EPPK1: variants seen among roughly 807,000 people sequenced by gnomAD.
The protein encoded by EPPK1 is epiplakin 1.
For synonymous variants in EPPK1, 1,862 were observed against 1,721.2 expected (o/e 1.08, Z -2.03); for missense variants, 3,823 against 3,673.3 (o/e 1.04, Z -1.05).
In EPPK1 at chr8:143,867,411, T is replaced by C. The variant is rs782470665; in HGVS notation, c.5843A>G (p.Lys1948Arg). 2.5e-6 allele frequency: 4 copies of C among 1,612,786 alleles called. No homozygotes were observed. Among genetic ancestry groups the C allele is most frequent in the South Asian group, 2.2e-5 (2 of 91,082 alleles). ...GFLLDPCTRQ[K>R]LSVDEAVDVG... ...ATCCACAGCCTCATCCACAGAGAGC[T>C]TCTGGCGGGTGCAGGGGTCCAGGAG... Residue 1948 changes from lysine (K) to arginine (R), a missense_variant, in exon 2 of 2, where the codon AAG (lysine) becomes AGG (arginine). By Grantham distance (26) the Lys-to-Arg change is conservative. Coordinates refer to ENST00000615648, the MANE Select transcript of EPPK1 (RefSeq NM_031308.4).
In EPPK1 at chr8:143,867,362, C is replaced by T. The variant is rs1819164853; in HGVS notation, c.5892G>A (p.Leu1964=). The T allele has an allele frequency of 1.2e-6, 2 of 1,612,920 alleles. No homozygotes were observed. Among genetic ancestry groups the T allele is most frequent in the Non-Finnish European group, 8.5e-7 (1 of 1,179,866 alleles). The part of the protein sequence containing the change: ...AVDVGLVNEE[L]RERLLKAERA... ...TTTCAGCCTTCAGGAGCCTCTCCCG[C>T]AGCTCCTCGTTCACCAGGCCCACAT... Residue 1964 remains leucine (L), a synonymous_variant, in exon 2 of 2, where the codon CTG becomes CTA. Transcript: ENST00000615648.
Position 143,868,136 on chromosome 8 carries a change from G to C in EPPK1, c.5118C>G (p.Arg1706=), listed in dbSNP as rs782170544. The stretch of plus-strand genomic sequence containing the variant: ...TCATCTCCTCGTCGAAGTAGCCGCA[G>C]CGGTAGGCCACGTCCACGGGCACGC... ...SHRVPVDVAY[R]CGYFDEEMNR... is the part of the protein sequence containing the mutation. The change falls in exon 2 of 2, where the codon CGC becomes CGG. Residue 1706 remains arginine (R), a synonymous_variant. Transcript: ENST00000615648. The C allele has an allele frequency of 2.7e-5, 44 of 1,613,126 alleles. No homozygotes were observed. The highest frequency in any genetic ancestry group is 1.6e-4 in the Middle Eastern group (1 of 6,084).
chr8:143,873,012 G>C lies in EPPK1; in HGVS notation c.242C>G (p.Thr81Ser), dbSNP rs1288102932. Residue 81 changes from threonine to serine, a missense_variant, in exon 2 of 2, where the codon ACT becomes AGT. Physicochemically the swap from Thr to Ser is moderately conservative, Grantham distance 58. Transcript: ENST00000615648. ...GQALLEAQAATGGLVDLARGQ... is the reference protein window; with the variant it reads ...GQALLEAQAASGGLVDLARGQ... Reference sequence around the variant, plus strand: ...CCGGGCGAGGTCCACCAGGCCCCCAGTGGCTGCCTGGGCCTCTAGCAGAGC... The same window carrying C: ...CCGGGCGAGGTCCACCAGGCCCCCACTGGCTGCCTGGGCCTCTAGCAGAGC... 2.5e-6 allele frequency: 4 copies of C among 1,576,568 alleles called. No homozygotes were observed. The highest frequency in any genetic ancestry group is 1.8e-5 in the Admixed American group (1 of 55,284).
At position 143,866,738 on chromosome 8, in the gene EPPK1, C is replaced by G. The variant is rs371244990; in HGVS notation, c.6516G>C (p.Leu2172=). Residue 2172 remains leucine (L), a synonymous_variant, in exon 2 of 2, where the codon CTG becomes CTC. Coordinates refer to ENST00000615648, the MANE Select transcript of EPPK1 (RefSeq NM_031308.4). ...IEKQETSNKH[L]WFQGIRRQIT... ...TCTGTCGTCTAATTCCTTGGAACCA[C>G]AGGTGTTTGTTGCTGGTTTCCTGCT... The G allele has an allele frequency of 6.2e-7, 1 of 1,613,474 alleles. No individual in the cohort carries two copies. Among genetic ancestry groups the G allele is most frequent in the Non-Finnish European group, 8.5e-7 (1 of 1,179,866 alleles).
Position 143,870,317 on chromosome 8 carries a change from TG to T in EPPK1, c.2936del (p.Pro979GlnfsTer23). On this transcript the variant is annotated frameshift_variant, in exon 2 of 2. Coordinates refer to ENST00000615648, the MANE Select transcript of EPPK1 (RefSeq NM_031308.4). LOFTEE classifies it low-confidence loss of function (END_TRUNC). This position sits in a 1 kb window ranked among gnomAD's most constrained non-coding sequence, Gnocchi z 5.2. The part of the protein sequence containing the change: ...ATGTIMDPHS[P>X]ESLSVDEAVR... ...CGGCCTCATCCACCGAGAGGCTCTC[TG>T]GGCTGTGAGGGTCCATGATGGTTCC... 1.3e-6 allele frequency: 2 copies of T among 1,570,032 alleles called. No homozygotes were observed. The highest frequency in any genetic ancestry group is 1.7e-6 in the Non-Finnish European group (2 of 1,164,088).
chr8:143,869,817 T>C lies in EPPK1; in HGVS notation c.3437A>G (p.Asp1146Gly), dbSNP rs550193229. Residue 1146 changes from aspartate to glycine, a missense_variant, in exon 2 of 2, where the codon GAC (aspartate) becomes GGC (glycine). By Grantham distance (94) the Asp-to-Gly change is moderately conservative (BLOSUM62 -1). Coordinates refer to ENST00000615648, the MANE Select transcript of EPPK1 (RefSeq NM_031308.4). The stretch of plus-strand genomic sequence containing the variant: ...GGTGAAGTGGCAGGAGCTGAGCAGG[T>C]CCCAGAGGGATGTGCCATCCTTGGC... ...PGAKDGTSLW[D>G]LLSSCHFTEE... 330 of 1,598,212 alleles carry C rather than the reference T, an allele frequency of 2.1e-4. 1 individual carries two copies. The highest frequency in any genetic ancestry group is 1.7e-3 in the Middle Eastern group (10 of 6,036).
In EPPK1 at chr8:143,868,654, A is replaced by G. The variant is rs1350291766; in HGVS notation, c.4600T>C (p.Phe1534Leu). The G allele has an allele frequency of 6.9e-6, 11 of 1,588,156 alleles. No homozygotes were observed. The highest frequency in any genetic ancestry group is 8.6e-6 in the Non-Finnish European group (10 of 1,168,418). ...LRKQVSARDL[F>L]RAQLISRKTL... Reference sequence around the variant, plus strand: ...TTCCTGCTGATCAGCTGCGCCCTGAACAGGTCCCTGGCTGACACCTGCTTC... The same window carrying G: ...TTCCTGCTGATCAGCTGCGCCCTGAGCAGGTCCCTGGCTGACACCTGCTTC... Residue 1534 changes from phenylalanine (F) to leucine (L), a missense_variant, in exon 2 of 2, where the codon TTC becomes CTC. Transcript: ENST00000615648.
chr8:143,867,506 G>C lies in EPPK1; in HGVS notation c.5748C>G (p.Ala1916=), dbSNP rs782677884. ...STREVMSLHE[A]SRKELIPAAF... The stretch of plus-strand genomic sequence containing the variant: ...CTGCAGGGATGAGCTCCTTCCTGCT[G>C]GCCTCATGGAGGCTCATGACCTCCC... The change falls in exon 2 of 2, where the codon GCC becomes GCG. Residue 1916 remains alanine, a synonymous_variant. Transcript: ENST00000615648. 6.2e-7 allele frequency: 1 copy of C among 1,612,608 alleles called. No homozygotes were observed. The highest frequency in any genetic ancestry group is 8.5e-7 in the Non-Finnish European group (1 of 1,179,800).
rs35186960 is a variant in EPPK1 at position 143,857,896 on chromosome 8, C to CAAAAAAAAAAA, written c.*80_*90dup. 44 of 437,862 alleles carry CAAAAAAAAAAA rather than the reference C, an allele frequency of 1.0e-4. No individual in the cohort carries two copies. The highest frequency in any genetic ancestry group is 1.7e-4 in the African/African-American group (5 of 29,422). The allele number at this position is 437,862 out of a possible 1,614,324, so 27.1% of individuals were successfully genotyped here. On this transcript the variant is annotated 3_prime_UTR_variant, in exon 2 of 2. Transcript: ENST00000615648. The stretch of plus-strand genomic sequence containing the variant: ...GTAAAACAACAAAATTAAAGAATGA[C>CAAAAAAAAAAA]AAAAAAAAAAAAAAAAAAAAAAACA...
rs532844401 is a variant in EPPK1, at chr8:143,872,757, C to G, written c.497G>C (p.Gly166Ala). 1.4e-5 allele frequency: 23 copies of G among 1,589,240 alleles called. No individual in the cohort carries two copies. The South Asian group carries it at 2.0e-4, about 14-fold the overall frequency. Residue 166 changes from glycine to alanine, a missense_variant, in exon 2 of 2, where the codon GGA (glycine) becomes GCA (alanine). By Grantham distance (60) the Gly-to-Ala change is moderately conservative. Coordinates refer to ENST00000615648, the MANE Select transcript of EPPK1 (RefSeq NM_031308.4). ...ATGGLVDPAQ[G>A]VLVAPEPACH... ...GGCTGGCTCAGGGGCCACGAGCACT[C>G]CCTGGGCGGGGTCCACCAGGCCCCC...
rs1819373395 is a variant in EPPK1, at chr8:143,872,097, A to G, written c.1157T>C (p.Val386Ala). Residue 386 changes from valine to alanine, a missense_variant, in exon 2 of 2, where the codon GTG (valine) becomes GCG (alanine). By Grantham distance (64) the Val-to-Ala change is moderately conservative. Coordinates refer to ENST00000615648, the MANE Select transcript of EPPK1 (RefSeq NM_031308.4). ...GAGCCGCAGTGCCAGTGGCCTGTCC[A>G]CTAGCCCCTTCTTCATGGCCTGGAA... is the stretch of plus-strand genomic sequence containing the variant. ...PLFQAMKKGL[V>A]DRPLALRLLD... The G allele has an allele frequency of 1.9e-6, 3 of 1,560,196 alleles. No homozygotes were observed. Among genetic ancestry groups the G allele is most frequent in the Non-Finnish European group, 2.6e-6 (3 of 1,152,690 alleles).
At position 143,867,039 on chromosome 8, in the gene EPPK1, C is replaced by T. The variant is rs1819145268; in HGVS notation, c.6215G>A (p.Cys2072Tyr). ...CCAGCCCGTGTCCTCTTGTGGGCGG[C>T]ACCTCTCCTGCAGCTCTCGGTACGA... Reference protein sequence around the residue: ...KVSYRELQERCRPQEDTGWLL... With the variant: ...KVSYRELQERYRPQEDTGWLL... Residue 2072 changes from cysteine (C) to tyrosine (Y), a missense_variant, in exon 2 of 2, where the codon TGC (cysteine) becomes TAC (tyrosine). Physicochemically the swap from Cys to Tyr is radical, Grantham distance 194. Coordinates refer to ENST00000615648, the MANE Select transcript of EPPK1 (RefSeq NM_031308.4). 1 of 1,612,846 alleles carries T rather than the reference C, an allele frequency of 6.2e-7. No homozygotes were observed. Among genetic ancestry groups the T allele is most frequent in the Non-Finnish European group, 8.5e-7 (1 of 1,179,848 alleles).
At chr8:143,877,100 TGA>T (rs1554662396) in intron 1 of EPPK1, among the ~76,000 whole-genome samples, 1 of 152,224 alleles carries the variant, frequency 6.6e-6, no homozygotes, top group Non-Finnish European at 1.5e-5. Flanking sequence ...CCTGCGTGTG[TGA>T]GTGTGCCTGC....
chr8:143,868,754 C>T lies in EPPK1; in HGVS notation c.4500G>A (p.Gln1500=). 1.9e-6 allele frequency: 3 copies of T among 1,587,706 alleles called. No individual in the cohort carries two copies. The highest frequency in any genetic ancestry group is 1.1e-5 in the South Asian group (1 of 88,574). The part of the protein sequence containing the change: ...CRSGRAAALR[Q]VVSAVTTLVE... ...CCAGGGTGGTGACTGCGCTGACCAC[C>T]TGCCGCAGGGCCGCAGCCCTCCCAG... Residue 1500 remains glutamine, a synonymous_variant, in exon 2 of 2, where the codon CAG becomes CAA. Transcript: ENST00000615648.
In EPPK1 at chr8:143,872,769, T is replaced by C. The variant is rs11984465; in HGVS notation, c.485A>G (p.Asp162Gly). Residue 162 changes from aspartate to glycine, a missense_variant, in exon 2 of 2, where the codon GAC (aspartate) becomes GGC (glycine). Coordinates refer to ENST00000615648, the MANE Select transcript of EPPK1 (RefSeq NM_031308.4). The part of the protein sequence containing the change: ...EVQLATGGLV[D>G]PAQGVLVAPE... ...GGCCACGAGCACTCCCTGGGCGGGGTCCACCAGGCCCCCAGTGGCCAGTTG... is the reference window on the plus strand; with the variant it reads ...GGCCACGAGCACTCCCTGGGCGGGGCCCACCAGGCCCCCAGTGGCCAGTTG... 35 of 1,579,236 alleles carry C rather than the reference T, an allele frequency of 2.2e-5. 1 individual carries two copies. Among genetic ancestry groups the C allele is most frequent in the Non-Finnish European group, 2.9e-5 (34 of 1,159,610 alleles).
Position 143,872,229 on chromosome 8 carries a change from G to T in EPPK1, c.1025C>A (p.Ala342Glu). Reference protein sequence around the residue: ...ITGQRLWVDEAVRAGLVSPEL... With the variant: ...ITGQRLWVDEEVRAGLVSPEL... ...TGGGCTGACCAGGCCCGCCCTGACT[G>T]CCTCGTCTACCCACAGCCGCTGGCC... Residue 342 changes from alanine (A) to glutamate (E), a missense_variant, in exon 2 of 2, where the codon GCA (alanine) becomes GAA (glutamate). Ala to Glu is a moderately radical substitution (Grantham distance 107, BLOSUM62 -1). Coordinates refer to ENST00000615648, the MANE Select transcript of EPPK1 (RefSeq NM_031308.4). 1.9e-6 allele frequency: 3 copies of T among 1,609,640 alleles called. No individual in the cohort carries two copies. Among genetic ancestry groups the T allele is most frequent in the Non-Finnish European group, 2.5e-6 (3 of 1,178,486 alleles).
chr8:143,871,209 A>G lies in EPPK1; in HGVS notation c.2045T>C (p.Leu682Pro), dbSNP rs371111245. The G allele has an allele frequency of 3.7e-6, 6 of 1,613,278 alleles. No homozygotes were observed. Among genetic ancestry groups the G allele is most frequent in the African/African-American group, 1.3e-5 (1 of 75,066 alleles). ...GCCAGTGACAGCGCGCTCAGCCGAC[A>G]GCAGCTTCGCGAACACATCAGGCCC... is the stretch of plus-strand genomic sequence containing the variant. ...VIGPDVFAKL[L>P]SAERAVTGYT... is the part of the protein sequence containing the mutation. The change falls in exon 2 of 2, where the codon CTG (leucine) becomes CCG (proline). Residue 682 changes from leucine to proline, a missense_variant. Leu to Pro is a moderately conservative substitution (Grantham distance 98). Transcript: ENST00000615648.
Position 143,867,387 on chromosome 8 carries a change from T to C in EPPK1, c.5867A>G (p.Asp1956Gly), listed in dbSNP as rs199879536. The C allele has an allele frequency of 3.2e-4, 518 of 1,612,822 alleles. 6 individuals are homozygous for C. In the African/African-American group the frequency reaches 5.9e-3, roughly 18 times the overall value. The change falls in exon 2 of 2, where the codon GAT becomes GGT. Residue 1956 changes from aspartate to glycine, a missense_variant. Physicochemically the swap from Asp to Gly is moderately conservative, Grantham distance 94. Transcript: ENST00000615648. The stretch of plus-strand genomic sequence containing the variant: ...CAGCTCCTCGTTCACCAGGCCCACA[T>C]CCACAGCCTCATCCACAGAGAGCTT... ...RQKLSVDEAV[D>G]VGLVNEELRE...
chr8:143,873,391 G>C, intron 1 of EPPK1, 93 bp from the exon 2 acceptor site: 1 of 934,120 alleles, frequency 1.1e-6, no homozygotes, highest in Non-Finnish European at 1.5e-6. Flanking sequence ...TGCTGTCCCG[G>C]GCTGGGCTCC....
Sources: allele counts gnomAD v4.1 joint callset (sites outside exome capture counted in the v4.1 genomes callset), GRCh38; gene constraint gnomAD v4.1.1; non-coding constraint Gnocchi (gnomAD v3.1); transcripts MANE v1.5; gene names NCBI Gene and HGNC (gene_info 2026-07-23, HGNC 2026-07-21).